BRAF: variants seen among roughly 807,000 people sequenced by gnomAD.
BRAF encodes the protein serine/threonine-protein kinase B-raf.
BRAF carries 16 observed loss-of-function variants against 104.6 expected under a neutral mutation model. The observed-to-expected ratio is 0.15, with a 90% confidence interval of 0.10 to 0.23. The LOEUF is 0.23. BRAF is among the 10% of genes least tolerant of loss of function. BRAF has a pLI of 1.00. For missense variants in BRAF, 541 were observed against 937.3 expected (o/e 0.58, Z 5.52); for synonymous variants, 310 against 341.6 (o/e 0.91, Z 1.02).
chr7:140,768,604 C>T (rs1352970520), intron 14 of BRAF, among the ~76,000 whole-genome samples: 2 of 152,138 alleles, frequency 1.3e-5, no homozygotes, highest in Admixed American at 6.5e-5. Context: ...AGTGATCCTC[C>T]TGCCTCAGCC....
intron 14 of BRAF, among the ~76,000 whole-genome samples, chr7:140,760,630 A>G (rs1798616947): frequency 6.6e-6 from 1 of 152,042 alleles, no homozygotes; most frequent in Non-Finnish European, 1.5e-5. Flanking sequence ...GTTTTTTTTA[A>G]TGAAAATAAT....
intron 1 of BRAF, among the ~76,000 whole-genome samples, chr7:140,910,485 G>C (rs1190745019): frequency 2.0e-5 from 3 of 152,166 alleles, no homozygotes; most frequent in African/African-American, 7.2e-5. Context: ...CCCTCCAAAT[G>C]AAATCCCAAG....
rs59315265 is a variant in BRAF, at chr7:140,917,965, G to A, written c.138+6601C>T. The stretch of plus-strand genomic sequence containing the variant: ...GCTACTACAGTATTGTTGAGGAATT[G>A]TGAGAGGAACTGTATGTCCCACAAT... On this transcript the variant is annotated intron_variant, in intron 1 of 19. Transcript: ENST00000644969. Among the ~76,000 whole-genome samples the A allele has an allele frequency of 7.3e-3, 1,107 of 152,268 alleles. 25 individuals are homozygous for A. In the East Asian group the frequency reaches 0.074, roughly 10 times the overall value.
intron 19 of BRAF, chr7:140,731,355 C>T (rs1795948506): frequency 6.6e-6 from 1 of 152,180 alleles, no homozygotes; most frequent in African/African-American, 2.4e-5. Context: ...CTGGCATAGA[C>T]ACATCGAGTC....
chr7:140,834,308 T>A (rs1807088948), intron 3 of BRAF: 3 of 530,328 alleles, frequency 5.7e-6, no homozygotes, highest in South Asian at 5.2e-5. Context: ...CATTAGATAA[T>A]GAACAAGCTC....
At chr7:140,739,467 T>A (rs1218132033) in intron 18 of BRAF, among the ~76,000 whole-genome samples, 1 of 146,112 alleles carries the variant, frequency 6.8e-6, no homozygotes, top group African/African-American at 2.5e-5. Flanking sequence ...TTTTAAAAAA[T>A]AGTTTTAATT....
intron 1 of BRAF, among the ~76,000 whole-genome samples, chr7:140,887,632 T>C (rs961970462): frequency 6.6e-5 from 10 of 152,284 alleles, no homozygotes; most frequent in African/African-American, 2.4e-4. Flanking sequence ...TGAGGGCCCA[T>C]AGGAAGACTC....
chr7:140,908,232 G>A (rs543318618), intron 1 of BRAF, among the ~76,000 whole-genome samples: 11 of 152,074 alleles, frequency 7.2e-5, no homozygotes, highest in Admixed American at 4.6e-4. Context: ...CTGTAAAAAC[G>A]TAATTTTAGG....
chr7:140,868,812 A>G (rs1007115150), intron 1 of BRAF, among the ~76,000 whole-genome samples: 55 of 152,236 alleles, frequency 3.6e-4, no homozygotes, highest in Non-Finnish European at 5.3e-4. Flanking sequence ...TATACTGGAA[A>G]TGAACTATAG....
chr7:140,822,698 T>C (rs1805615604), intron 3 of BRAF, among the ~76,000 whole-genome samples: 1 of 152,226 alleles, frequency 6.6e-6, no homozygotes, highest in Non-Finnish European at 1.5e-5. Context: ...TTGGGTTATT[T>C]CCAGTTTGGG....
rs1294999084 is a variant in BRAF at position 140,724,855 on chromosome 7, G to T, written c.*1639C>A. On this transcript the variant is annotated 3_prime_UTR_variant, in exon 20 of 20. Coordinates refer to ENST00000644969, the MANE Select transcript of BRAF (RefSeq NM_001374258.1). Reference sequence around the variant, plus strand: ...GATAAGGGAGGTTTTCCATTAATTTGCCATTAATACATCCGCTTTCTTTGC... The same window carrying T: ...GATAAGGGAGGTTTTCCATTAATTTTCCATTAATACATCCGCTTTCTTTGC... 2 of 1,038,368 alleles carry T rather than the reference G, an allele frequency of 1.9e-6. No homozygotes were observed. Among genetic ancestry groups the T allele is most frequent in the Non-Finnish European group, 2.3e-6 (2 of 862,322 alleles). 64.3% of individuals were successfully genotyped at this position (1,038,368 alleles called of 1,614,324 possible). A position where few individuals can be genotyped will look rare whatever the true frequency, so the allele number is the denominator to read the frequency against.
At chr7:140,805,358 T>G (rs1030186750) in intron 5 of BRAF, among the ~76,000 whole-genome samples, 1 of 152,194 alleles carries the variant, frequency 6.6e-6, no homozygotes, top group African/African-American at 2.4e-5. Context: ...AATTTTAAAA[T>G]CTTTAAAATT....
At chr7:140,844,978 C>G (rs536133510) in intron 2 of BRAF, among the ~76,000 whole-genome samples, 1 of 150,880 alleles carries the variant, frequency 6.6e-6, no homozygotes, top group South Asian at 2.1e-4. Flanking sequence ...TGAAAAAGAA[C>G]AAAGTTGGAG....
chr7:140,743,624 AATG>A (rs1179327239), intron 17 of BRAF, among the ~76,000 whole-genome samples: 1 of 152,048 alleles, frequency 6.6e-6, no homozygotes, highest in African/African-American at 2.4e-5. Flanking sequence ...CCTAATGCTA[AATG>A]ATGAGTTAAT....
intron 1 of BRAF, among the ~76,000 whole-genome samples, chr7:140,914,531 C>T (rs962210020): frequency 1.3e-5 from 2 of 152,090 alleles, no homozygotes; most frequent in African/African-American, 2.4e-5. Context: ...TGTTCTCTGA[C>T]ACTATTCCCA....
At chr7:140,738,784 T>G (rs1448353455) in intron 18 of BRAF, among the ~76,000 whole-genome samples, 2 of 151,982 alleles carry the variant, frequency 1.3e-5, no homozygotes, top group Non-Finnish European at 2.9e-5. Flanking sequence ...GCCCAGCTAA[T>G]TTTTGTATTT....
chr7:140,805,498 T>C (rs938208302), intron 5 of BRAF, among the ~76,000 whole-genome samples: 1 of 152,152 alleles, frequency 6.6e-6, no homozygotes, highest in African/African-American at 2.4e-5. Context: ...AGTATACCTT[T>C]GTCAATAAAG....
intron 1 of BRAF, among the ~76,000 whole-genome samples, chr7:140,882,322 CAAATGAGAAATA>C (rs935356131): frequency 2.0e-5 from 3 of 149,536 alleles, no homozygotes; most frequent in African/African-American, 4.9e-5. Context: ...GAGTTCATCT[CAAATGAGAAATA>C]AAATGAGAAA....
Position 140,723,939 on chromosome 7 carries a change from T to C in BRAF, c.*2555A>G. Reference sequence around the variant, plus strand: ...AAAACACAAATAAAACCTATTTTCATGTCATTTGTAAACTAGAGAAAAAAC... The same window carrying C: ...AAAACACAAATAAAACCTATTTTCACGTCATTTGTAAACTAGAGAAAAAAC... On this transcript the variant is annotated 3_prime_UTR_variant, in exon 20 of 20. Coordinates refer to ENST00000644969, the MANE Select transcript of BRAF (RefSeq NM_001374258.1). 1 of 1,041,842 alleles carries C rather than the reference T, an allele frequency of 9.6e-7. No homozygotes were observed. Among genetic ancestry groups the C allele is most frequent in the Non-Finnish European group, 1.2e-6 (1 of 864,206 alleles). 64.5% of individuals were successfully genotyped at this position (1,041,842 alleles called of 1,614,324 possible).
Sources: gnomAD v4.1 joint callset for allele counts (sites outside exome capture counted in the v4.1 genomes callset) on GRCh38, gnomAD v4.1.1 for gene constraint, MANE v1.5 for transcripts, NCBI Gene and HGNC (gene_info 2026-07-23, HGNC 2026-07-21) for gene names.